NR4A1: variants seen among roughly 807,000 people sequenced by gnomAD.
NR4A1 encodes the protein nuclear receptor subfamily 4immunitygroup A member 1.
In NR4A1, 24 loss-of-function variants were observed where a neutral mutation model predicts 47.5. That is an observed-to-expected ratio of 0.50 (90% CI 0.37 to 0.71). NR4A1 has a LOEUF of 0.71. Ranked by LOEUF, NR4A1 falls within the 30% of genes least tolerant of loss-of-function variation. The pLI is 0.00. For synonymous variants in NR4A1, 353 were observed against 345.7 expected (o/e 1.02, Z -0.24); for missense variants, 669 against 788.6 (o/e 0.85, Z 1.82).
At chr12:52,037,363 C>G in intron 1 of NR4A1, 1 of 985,386 alleles carries the variant, frequency 1.0e-6, no homozygotes, top group Non-Finnish European at 1.2e-6. Context: ...GGCGCCCCTG[C>G]GGTGCAGAGC....
upstream of NR4A1, among the ~76,000 whole-genome samples, chr12:52,048,111 A>T (rs534237655): frequency 1.3e-5 from 2 of 150,168 alleles, no homozygotes; most frequent in African/African-American, 2.5e-5. Context: ...CCGAGATCGC[A>T]CCACTTCACT....
In NR4A1 at chr12:52,056,562, G is replaced by A; in HGVS notation, c.1075G>A (p.Ala359Thr). 1 of 1,613,658 alleles carries A rather than the reference G, an allele frequency of 6.2e-7. No individual in the cohort carries two copies. ...LPSKPKQPPD[A>T]SPANLLTSLV... is the part of the protein sequence containing the mutation. The stretch of plus-strand genomic sequence containing the variant: ...TTCAAAACCCAAGCAGCCCCCAGAT[G>A]CCTCCCCTGCCAATCTCCTCACTTC... The change falls in exon 4 of 7, where the codon GCC becomes ACC. Residue 359 changes from alanine to threonine, a missense_variant. Ala to Thr is a moderately conservative substitution (Grantham distance 58, BLOSUM62 0). Transcript: ENST00000394825.
Position 52,051,498 on chromosome 12 carries a change from C to T in NR4A1, c.-73C>T, listed in dbSNP as rs923464218. 2 of 985,528 alleles carry T rather than the reference C, an allele frequency of 2.0e-6. No homozygotes were observed. The highest frequency in any genetic ancestry group is 1.7e-5 in the African/African-American group (1 of 57,230). 61.0% of individuals were successfully genotyped at this position (985,528 alleles called of 1,614,324 possible). ...GGAGTGCACAGAAGAACTTCGGGAGCGCACGCGGGACCAGGGACCAGGCTG... is the reference window on the plus strand; with the variant it reads ...GGAGTGCACAGAAGAACTTCGGGAGTGCACGCGGGACCAGGGACCAGGCTG... On this transcript the variant is annotated 5_prime_UTR_variant, in exon 1 of 7. Transcript: ENST00000394825.
At position 52,054,099 on chromosome 12, in the gene NR4A1, G is replaced by A. The variant is rs1939116022; in HGVS notation, c.-2-228G>A. On this transcript the variant is annotated intron_variant, in intron 1 of 6. Coordinates refer to ENST00000394825, the MANE Select transcript of NR4A1 (RefSeq NM_173157.3). ...AGGGTGTGGCTGGCCTTCTGATGGAGCCCACTCATGCTGGGCCGCTGCCCA... is the reference window on the plus strand; with the variant it reads ...AGGGTGTGGCTGGCCTTCTGATGGAACCCACTCATGCTGGGCCGCTGCCCA... 2.0e-5 allele frequency: 11 copies of A among 545,562 alleles called. No homozygotes were observed. In the South Asian group the frequency reaches 3.0e-4, roughly 15 times the overall value. 33.8% of individuals were successfully genotyped at this position (545,562 alleles called of 1,614,324 possible). A position where few individuals can be genotyped will look rare whatever the true frequency, so the allele number is the denominator to read the frequency against.
intron 2 of NR4A1, among the ~76,000 whole-genome samples, chr12:52,045,185 T>C (rs1486413742): frequency 6.6e-6 from 1 of 152,132 alleles, no homozygotes; most frequent in Non-Finnish European, 1.5e-5. Flanking sequence ...GAAGTAGAGA[T>C]GGGGTTACTG....
intron 1 of NR4A1, among the ~76,000 whole-genome samples, chr12:52,025,238 T>C (rs1035315063): frequency 6.6e-6 from 1 of 152,062 alleles, no homozygotes; most frequent in Non-Finnish European, 1.5e-5. Flanking sequence ...TTGTCATATT[T>C]TTAGTAGAGA....
upstream of NR4A1, among the ~76,000 whole-genome samples, chr12:52,047,482 G>T (rs926735739): frequency 1.3e-5 from 2 of 152,216 alleles, no homozygotes; most frequent in African/African-American, 2.4e-5. Context: ...TTCCACAGAG[G>T]GACTTTGCCT....
intron 1 of NR4A1, chr12:52,037,579 G>A (rs977710465): frequency 1.3e-4 from 131 of 982,982 alleles, no homozygotes; most frequent in Non-Finnish European, 1.5e-4. Context: ...GGGGGGGACT[G>A]GATTCCCAGC....
chr12:52,037,436 G>A (rs1315364930), intron 1 of NR4A1: 4 of 985,998 alleles, frequency 4.1e-6, no homozygotes, highest in African/African-American at 1.7e-5. Context: ...CGGAGCCCGC[G>A]GGGCCAGGTG....
intron 1 of NR4A1, chr12:52,038,852 A>C: frequency 1.4e-6 from 1 of 695,446 alleles, no homozygotes; most frequent in Non-Finnish European, 2.6e-6. Context: ...TGAGGAGTTC[A>C]GGCCCTGTGC....
intron 2 of NR4A1, chr12:52,055,591 G>A (rs1459189986): frequency 6.3e-6 from 3 of 475,414 alleles, no homozygotes; most frequent in Non-Finnish European, 1.1e-5. Context: ...GGATCCCTGC[G>A]GAGGGTTTGG....
chr12:52,025,880 G>A (rs1044067753), intron 1 of NR4A1, among the ~76,000 whole-genome samples: 2 of 152,218 alleles, frequency 1.3e-5, no homozygotes, highest in Non-Finnish European at 2.9e-5. Flanking sequence ...ATCCTGCTGG[G>A]ATGGGAGGTA....
intron 1 of NR4A1, chr12:52,052,395 T>A: frequency 1.3e-6 from 1 of 761,694 alleles, no homozygotes; most frequent in Non-Finnish European, 1.6e-6. Flanking sequence ...TGTTGGAGTC[T>A]TGGGGCGGTG....
At chr12:52,050,780 G>T (rs909745292), upstream of NR4A1, among the ~76,000 whole-genome samples, 1 of 152,180 alleles carries the variant, frequency 6.6e-6, no homozygotes, top group Admixed American at 6.5e-5. Flanking sequence ...CGCGTCCTGT[G>T]CACTAGCTGC....
At chr12:52,036,136 G>T (rs1046019569) in intron 1 of NR4A1, among the ~76,000 whole-genome samples, 1 of 152,146 alleles carries the variant, frequency 6.6e-6, no homozygotes, top group Non-Finnish European at 1.5e-5. Flanking sequence ...AACTTTGGCC[G>T]GGCCTTCCTG....
Position 52,056,023 on chromosome 12 carries a change from C to A in NR4A1, c.877-7C>A, listed in dbSNP as rs201901500. Reference sequence around the variant, plus strand: ...GACAGCTTGTTCCGTGTTGCCCCCCCACCCAGCGCACAGTGCAGAAAAACG... The same window carrying A: ...GACAGCTTGTTCCGTGTTGCCCCCCAACCCAGCGCACAGTGCAGAAAAACG... On this transcript the variant is annotated splice_polypyrimidine_tract_variant and splice_region_variant and intron_variant, in intron 2 of 6. Transcript: ENST00000394825. 2.6e-4 allele frequency: 381 copies of A among 1,481,796 alleles called. No homozygotes were observed. Among genetic ancestry groups the A allele is most frequent in the Non-Finnish European group, 3.0e-4 (331 of 1,112,328 alleles). The allele number at this position is 1,481,796 out of a possible 1,614,324, so 91.8% of individuals were successfully genotyped here. A position where few individuals can be genotyped will look rare whatever the true frequency, so the allele number is the denominator to read the frequency against.
chr12:52,057,021 GCCTGGGGTGCT>G, intron 4 of NR4A1, 25 bp from the exon 5 acceptor site: 1 of 1,543,094 alleles, frequency 6.5e-7, no homozygotes, highest in Non-Finnish European at 8.8e-7. Context: ...GTAGGAGCCT[GCCTGGGGTGCT>G]GACCCCACTG....
intron 1 of NR4A1, among the ~76,000 whole-genome samples, chr12:52,025,518 T>C (rs1937983770): frequency 1.3e-5 from 2 of 152,192 alleles, no homozygotes; most frequent in Non-Finnish European, 2.9e-5. Context: ...CCTGCTACAT[T>C]GTCGCCTCCT....
intron 1 of NR4A1, chr12:52,038,255 G>A: frequency 5.1e-6 from 1 of 197,554 alleles, no homozygotes; most frequent in South Asian, 1.4e-4. Context: ...AGTAGAGACA[G>A]GGTTTCACCA....
Sources: allele counts gnomAD v4.1 joint callset (sites outside exome capture counted in the v4.1 genomes callset), GRCh38; gene constraint gnomAD v4.1.1; transcripts MANE v1.5; gene names NCBI Gene and HGNC (gene_info 2026-07-23, HGNC 2026-07-21).